NRP1: variants seen among roughly 807,000 people sequenced by gnomAD.
NRP1 encodes neuropilin-1.
Under a neutral mutation model 106.7 loss-of-function variants are expected in NRP1, and 35 were observed. The observed-to-expected ratio is 0.33, with a 90% CI of 0.25 to 0.43. NRP1 has a LOEUF of 0.43. Among genes scored for constraint, NRP1 ranks in the 20% least tolerant of loss-of-function variants. The probability of loss-of-function intolerance (pLI) is 1.00; values close to 1 mark genes in which losing one functional copy is unlikely to be tolerated. For synonymous variants in NRP1, 437 were observed against 417.9 expected (o/e 1.05, Z -0.56); for missense variants, 1,024 against 1,170.4 (o/e 0.87, Z 1.83).
chr10:33,284,054 C>A (rs1588917475), intron 2 of NRP1, among the ~76,000 whole-genome samples: 2 of 152,196 alleles, frequency 1.3e-5, no homozygotes, highest in African/African-American at 4.8e-5. Flanking sequence ...CAAACATGTC[C>A]AAATGTACTC....
chr10:33,307,219 C>T (rs1032504347), intron 2 of NRP1, among the ~76,000 whole-genome samples: 20 of 152,190 alleles, frequency 1.3e-4, no homozygotes, highest in African/African-American at 4.1e-4. Context: ...TTTCACAAAA[C>T]AACAGGACTC....
Position 33,254,143 on chromosome 10 carries a change from T to G in NRP1, c.866A>C (p.Asp289Ala). Residue 289 changes from aspartate (D) to alanine (A), a missense_variant, in exon 6 of 17, where the codon GAC becomes GCC. Asp to Ala is a moderately radical substitution (Grantham distance 126). This residue lies in a region of NRP1 where 562 missense variants were observed against 620.3 expected (regional missense o/e 0.91). Coordinates refer to ENST00000374867, the MANE Select transcript of NRP1 (RefSeq NM_003873.7). ...LGMESGEIHS[D>A]QITASSQYST... is the part of the protein sequence containing the mutation. The stretch of plus-strand genomic sequence containing the variant: ...ATACTGGGAAGAAGCTGTGATCTGG[T>G]CAGAATGAATTTCTCCTGATTCCAT... 1 of 1,613,750 alleles carries G rather than the reference T, an allele frequency of 6.2e-7. No homozygotes were observed. The highest frequency in any genetic ancestry group is 8.5e-7 in the Non-Finnish European group (1 of 1,179,968).
At chr10:33,307,192 A>C (rs1846225672) in intron 2 of NRP1, among the ~76,000 whole-genome samples, 1 of 152,244 alleles carries the variant, frequency 6.6e-6, no homozygotes, top group African/African-American at 2.4e-5. Flanking sequence ...AATTCTTGAC[A>C]GTCACAATTC....
At chr10:33,319,590 T>TTCTTTC (rs1158493111) in intron 2 of NRP1, among the ~76,000 whole-genome samples, 23 of 50,712 alleles carry the variant, frequency 4.5e-4, no homozygotes, top group African/African-American at 1.4e-3. Flanking sequence ...CTTTCTTTCT[T>TTCTTTC]TTTTTTTTTT....
chr10:33,318,782 A>T (rs1429530685), intron 2 of NRP1, among the ~76,000 whole-genome samples: 2 of 146,220 alleles, frequency 1.4e-5, no homozygotes. Flanking sequence ...GGCCAAAACC[A>T]CGATAACTTT....
chr10:33,206,371 T>A, intron 10 of NRP1: 1 of 517,706 alleles, frequency 1.9e-6, no homozygotes. Context: ...ATTTAGGGGT[T>A]TGGGACATGA....
intron 6 of NRP1, among the ~76,000 whole-genome samples, chr10:33,237,337 T>G (rs375694998): frequency 9.3e-4 from 142 of 152,182 alleles, no homozygotes; most frequent in African/African-American, 3.3e-3. Context: ...GGAAAATTAC[T>G]TCTGGAAGGG....
chr10:33,262,845 C>T lies in NRP1; in HGVS notation c.658+801G>A, dbSNP rs114967917. ...GGGGAGATTTGTTTATAGCACTTCT[C>T]ACCTTCTAACATTTCATGCACATAA... On this transcript the variant is annotated intron_variant, in intron 4 of 16. Coordinates refer to ENST00000374867, the MANE Select transcript of NRP1 (RefSeq NM_003873.7). 1.9e-3 allele frequency among the ~76,000 whole-genome samples: 283 copies of T among 152,220 alleles called. 1 individual carries two copies. The highest frequency in any genetic ancestry group is 6.6e-3 in the African/African-American group (273 of 41,518).
chr10:33,301,952 A>T (rs1418646108), intron 2 of NRP1, among the ~76,000 whole-genome samples: 1 of 152,190 alleles, frequency 6.6e-6, no homozygotes, highest in Non-Finnish European at 1.5e-5. Context: ...TGCAAAGGAT[A>T]ACAAGGTCTT....
intron 6 of NRP1, among the ~76,000 whole-genome samples, chr10:33,237,486 C>CGT (rs1840656128): frequency 7.9e-6 from 1 of 127,000 alleles, no homozygotes; most frequent in Non-Finnish European, 1.6e-5. Context: ...CACATGCGCG[C>CGT]GCACACACAC....
At chr10:33,315,005 A>T (rs188836723) in intron 2 of NRP1, among the ~76,000 whole-genome samples, 1 of 152,336 alleles carries the variant, frequency 6.6e-6, no homozygotes, top group African/African-American at 2.4e-5. Flanking sequence ...ACCTGAGCCC[A>T]GATGTGAATA....
chr10:33,216,119 A>G (rs1588745077), intron 8 of NRP1, among the ~76,000 whole-genome samples: 1 of 146,928 alleles, frequency 6.8e-6, no homozygotes, highest in Non-Finnish European at 1.5e-5. Flanking sequence ...TTTTATCTGC[A>G]TTTCCCTTCT....
chr10:33,288,958 C>T (rs553840033), intron 2 of NRP1, among the ~76,000 whole-genome samples: 5 of 151,848 alleles, frequency 3.3e-5, no homozygotes, highest in African/African-American at 1.2e-4. Flanking sequence ...TTCCTACTTA[C>T]CCTAAATTTT....
At chr10:33,213,105 TG>T in intron 9 of NRP1, 2 of 794,016 alleles carry the variant, frequency 2.5e-6, no homozygotes, top group Non-Finnish European at 3.9e-6. Flanking sequence ...CTGTCAGCCT[TG>T]GGCTTCCCCG....
intron 4 of NRP1, among the ~76,000 whole-genome samples, chr10:33,257,229 G>A (rs1199615498): frequency 6.6e-6 from 1 of 152,186 alleles, no homozygotes; most frequent in Non-Finnish European, 1.5e-5. Context: ...GAGGTGACTT[G>A]TTTCCAGTGG....
At chr10:33,198,777 T>G (rs1160981042) in intron 11 of NRP1, among the ~76,000 whole-genome samples, 3 of 152,152 alleles carry the variant, frequency 2.0e-5, no homozygotes, top group African/African-American at 7.2e-5. Context: ...CCTCCTCTGT[T>G]TGGCTACTGG....
In NRP1 at chr10:33,334,498, A is replaced by G; in HGVS notation, c.-116T>C. 2 of 834,336 alleles carry G rather than the reference A, an allele frequency of 2.4e-6. No homozygotes were observed. The highest frequency in any genetic ancestry group is 3.7e-6 in the Non-Finnish European group (2 of 536,024). The allele number at this position is 834,336 out of a possible 1,614,324, so 51.7% of individuals were successfully genotyped here. The stretch of plus-strand genomic sequence containing the variant: ...CCCCAACTCCGCCTAGAGCTGTACA[A>G]TCCTCAGCCCGTCTTGGAGAAAAGA... On this transcript the variant is annotated 5_prime_UTR_variant, in exon 1 of 17. Transcript: ENST00000374867.
At chr10:33,203,084 A>T in intron 10 of NRP1, 89 bp from the exon 11 acceptor site, 1 of 1,362,818 alleles carries the variant, frequency 7.3e-7, no homozygotes, top group African/African-American at 1.4e-5. Context: ...CTTATGCAGA[A>T]AACTTTAATC....
At chr10:33,197,451 G>A (rs939786248) in intron 12 of NRP1, among the ~76,000 whole-genome samples, 199 bp downstream of exon 12, 1 of 152,192 alleles carries the variant, frequency 6.6e-6, no homozygotes, top group Non-Finnish European at 1.5e-5. Context: ...GGCAATTACT[G>A]ATGGAGAAGG....
Sources: gnomAD v4.1 joint callset for allele counts (sites outside exome capture counted in the v4.1 genomes callset) on GRCh38, gnomAD v4.1.1 for gene constraint, gnomAD v4.1.1 regional missense constraint, MANE v1.5 for transcripts, NCBI Gene and HGNC (gene_info 2026-07-23, HGNC 2026-07-21) for gene names.